Variants in CFAP43 observed in about 807,000 individuals in gnomAD.
CFAP43 encodes cilia- and flagella-associated protein 43.
A neutral mutation model predicts 218.9 loss-of-function variants in CFAP43; 155 were observed. The ratio of observed to expected loss-of-function variants is 0.71; its 90% CI spans 0.62 to 0.81. The LOEUF is 0.81. CFAP43 is among the 30% of genes least tolerant of loss of function. CFAP43 has a pLI of 0.00. For synonymous variants in CFAP43, 645 were observed against 681.3 expected (o/e 0.95, Z 0.83); for missense variants, 1,778 against 1,954.3 (o/e 0.91, Z 1.70).
At chr10:104,202,979 A>C (rs1396355421) in intron 8 of CFAP43, among the ~76,000 whole-genome samples, 1 of 152,212 alleles carries the variant, frequency 6.6e-6, no homozygotes, top group Admixed American at 6.5e-5. Context: ...TTGATGTCTG[A>C]AGATCATTCC....
intron 12 of CFAP43, among the ~76,000 whole-genome samples, chr10:104,190,328 G>GAAAAT (rs2090171461): frequency 6.6e-6 from 1 of 151,966 alleles, no homozygotes. Context: ...CAAGACTCTG[G>GAAAAT]AAAATAAAAT....
intron 30 of CFAP43, among the ~76,000 whole-genome samples, chr10:104,145,851 CA>C (rs2087941954): frequency 6.6e-6 from 1 of 151,752 alleles, no homozygotes; most frequent in Admixed American, 6.5e-5. Context: ...ACCCAAAAAA[CA>C]TGAATGTTAC....
chr10:104,206,071 TAA>T, intron 6 of CFAP43, 41 bp from the exon 7 acceptor site: 1 of 1,473,414 alleles, frequency 6.8e-7, no homozygotes, highest in Non-Finnish European at 9.3e-7. Flanking sequence ...GTGACGTAAT[TAA>T]AAGTACAATG....
At chr10:104,164,510 G>C (rs2089052204) in intron 23 of CFAP43, among the ~76,000 whole-genome samples, 1 of 151,272 alleles carries the variant, frequency 6.6e-6, no homozygotes, top group Admixed American at 6.6e-5. Context: ...CCATTCTCCT[G>C]CCTCAGCCTC....
intron 16 of CFAP43, among the ~76,000 whole-genome samples, chr10:104,183,816 A>G (rs897612209): frequency 6.6e-6 from 1 of 152,200 alleles, no homozygotes; most frequent in Non-Finnish European, 1.5e-5. Flanking sequence ...TGCCTGAGAT[A>G]GTATTTGTTC....
chr10:104,152,511 TC>T, intron 28 of CFAP43, 95 bp downstream of exon 28: 1 of 1,551,372 alleles, frequency 6.4e-7, no homozygotes, highest in Non-Finnish European at 8.7e-7. Flanking sequence ...GCATACAAGA[TC>T]TTAGTACCTG....
intron 28 of CFAP43, among the ~76,000 whole-genome samples, chr10:104,148,769 T>A (rs1032808273): frequency 1.3e-5 from 2 of 152,244 alleles, no homozygotes; most frequent in Non-Finnish European, 1.5e-5. Context: ...ATGAGTCAGA[T>A]AAACCTCTTT....
intron 28 of CFAP43, among the ~76,000 whole-genome samples, chr10:104,151,078 TC>T (rs1268583858): frequency 2.6e-5 from 4 of 152,172 alleles, no homozygotes; most frequent in Non-Finnish European, 4.4e-5. Flanking sequence ...ATGATCTCAT[TC>T]TTTTTGATGG....
At chr10:104,186,905 T>C (rs112415247) in intron 14 of CFAP43, among the ~76,000 whole-genome samples, 1 of 151,936 alleles carries the variant, frequency 6.6e-6, no homozygotes, top group South Asian at 2.1e-4. Context: ...CTGAAGAGAG[T>C]GTAATGAAAA....
At position 104,232,194 on chromosome 10, in the gene CFAP43, G is replaced by A. The variant is rs755348007; in HGVS notation, c.53C>T (p.Ser18Phe). The change falls in exon 1 of 38, where the codon TCC becomes TTC. Residue 18 changes from serine (S) to phenylalanine (F), a missense_variant. This residue lies in a region of CFAP43 where 1,553 missense variants were observed against 1,685.2 expected (regional missense o/e 0.92). Transcript: ENST00000357060. Reference sequence around the variant, plus strand: ...GTGAACACCGCACCTCACGGACAAGGACGCGCCGCCGGCGGAGTGGGGGCC... The same window carrying A: ...GTGAACACCGCACCTCACGGACAAGAACGCGCCGCCGGCGGAGTGGGGGCC... ...DEGPHSAGGA[S>F]LSVRWVQGFP... 5.0e-6 allele frequency: 8 copies of A among 1,609,486 alleles called. No individual in the cohort carries two copies. Among genetic ancestry groups the A allele is most frequent in the Non-Finnish European group, 6.8e-6 (8 of 1,178,594 alleles).
chr10:104,218,981 T>C, intron 3 of CFAP43: 1 of 394,242 alleles, frequency 2.5e-6, no homozygotes, highest in Non-Finnish European at 4.9e-6. Context: ...AGGAAACACA[T>C]GTTGGTGATT....
In CFAP43 at chr10:104,166,547, A is replaced by G. The variant is rs1291202778; in HGVS notation, c.2980T>C (p.Ser994Pro). 2.5e-6 allele frequency: 4 copies of G among 1,614,042 alleles called. No homozygotes were observed. The highest frequency in any genetic ancestry group is 3.4e-6 in the Non-Finnish European group (4 of 1,180,026). The part of the protein sequence containing the change: ...TDFGVDTSLL[S>P]SQLELHSREE... ...CTGGAATGAAGCTCCAATTGGCTTG[A>G]CAATAAAGAGGTATCTACCCCAAAA... The change falls in exon 23 of 38, where the codon TCA becomes CCA. Residue 994 changes from serine (S) to proline (P), a missense_variant. Transcript: ENST00000357060.
chr10:104,193,145 T>C (rs2090279936), intron 11 of CFAP43: 2 of 152,332 alleles, frequency 1.3e-5, no homozygotes, highest in East Asian at 3.9e-4. Context: ...CCAAATCTAA[T>C]GTCTCTATAT....
chr10:104,179,047 G>T lies in CFAP43; in HGVS notation c.2442C>A (p.Ile814=). The T allele has an allele frequency of 6.2e-7, 1 of 1,612,660 alleles. No homozygotes were observed. Among genetic ancestry groups the T allele is most frequent in the South Asian group, 1.1e-5 (1 of 90,970 alleles). The change falls in exon 19 of 38, where the codon ATC becomes ATA. Residue 814 remains isoleucine, a synonymous_variant. Coordinates refer to ENST00000357060, the MANE Select transcript of CFAP43 (RefSeq NM_025145.7). ...CACTTACAGTTTTGGAAAGTGATTT[G>T]ATTCCTTGTTTTATCTCTTTCCTTT... ...SKKRKEIKQG[I]KSLSKTILNM...
intron 19 of CFAP43, 136 bp downstream of exon 19, chr10:104,178,893 T>G (rs2089722416): frequency 1.7e-6 from 1 of 581,164 alleles, no homozygotes. Flanking sequence ...TTTATCTTGT[T>G]AAAGAACCTC....
chr10:104,193,866 A>C lies in CFAP43; in HGVS notation c.1442T>G (p.Val481Gly), dbSNP rs750011578. ...FLSESSVQHV[V>G]YDQQGIFLLV... ...GCTCCTGGAGGCAGAAAGGACTTAC[A>C]CGACGTGCTGCACGGACGATTCCGA... Residue 481 changes from valine to glycine, a missense_variant and splice_region_variant, in exon 11 of 38, where the codon GTT (valine) becomes GGT (glycine). Coordinates refer to ENST00000357060, the MANE Select transcript of CFAP43 (RefSeq NM_025145.7). 6.2e-7 allele frequency: 1 copy of C among 1,613,844 alleles called. No homozygotes were observed. The highest frequency in any genetic ancestry group is 1.1e-5 in the South Asian group (1 of 91,038).
chr10:104,188,732 G>T (rs1019012573), intron 12 of CFAP43, among the ~76,000 whole-genome samples: 4 of 152,036 alleles, frequency 2.6e-5, no homozygotes, highest in Admixed American at 6.5e-5. Flanking sequence ...GCATGAGCTG[G>T]TCCCCACAAG....
intron 27 of CFAP43, among the ~76,000 whole-genome samples, chr10:104,153,892 C>T (rs992510682): frequency 1.3e-5 from 2 of 151,604 alleles, no homozygotes; most frequent in Non-Finnish European, 2.9e-5. Flanking sequence ...GGACAGGCCA[C>T]TTATTTTGTA....
chr10:104,175,060 A>AAAACAAAC (rs143922332), intron 19 of CFAP43, among the ~76,000 whole-genome samples: 65 of 148,652 alleles, frequency 4.4e-4, no homozygotes, highest in East Asian at 1.6e-3. Context: ...GACTCCATCT[A>AAAACAAAC]AAACAAACAA....
Sources: gnomAD v4.1 joint callset for allele counts (sites outside exome capture counted in the v4.1 genomes callset) on GRCh38, gnomAD v4.1.1 for gene constraint, gnomAD v4.1.1 regional missense constraint, MANE v1.5 for transcripts, NCBI Gene and HGNC (gene_info 2026-07-23, HGNC 2026-07-21) for gene names.